Variants in NSD1 observed in about 807,000 individuals in gnomAD.
NSD1 encodes the protein histone-lysine N-methyltransferase, H3 lysine-36 specific.
NSD1 carries 26 observed loss-of-function variants against 242.7 expected under a neutral mutation model. The ratio of observed to expected loss-of-function variants is 0.11; its 90% CI spans 0.08 to 0.15. The LOEUF (loss-of-function observed/expected upper bound fraction) is 0.15, where lower values mean the gene tolerates loss of function less well. Ranked by LOEUF, NSD1 falls within the 10% of genes least tolerant of loss-of-function variation. NSD1 has a pLI of 1.00. For missense variants in NSD1, 2,495 were observed against 3,272.8 expected, an observed-to-expected ratio of 0.76 and a Z score of 5.80; for synonymous variants, 1,106 against 1,178.1, an observed-to-expected ratio of 0.94 and a Z score of 1.25.
chr5:177,269,756 G>A lies in NSD1; in HGVS notation c.5458G>A (p.Val1820Met), dbSNP rs752685166. 9.9e-6 allele frequency: 16 copies of A among 1,614,092 alleles called. No individual in the cohort carries two copies. Among genetic ancestry groups the A allele is most frequent in the African/African-American group, 1.3e-5 (1 of 75,010 alleles). ...ARVFPYMEGD[V>M]SSKDKMGKGV... ...AGTCTTCCCTTACATGGAGGGTGAC[G>A]TGAGCAGCAAGGATAAGATGGGCAA... The change falls in exon 16 of 23, where the codon GTG becomes ATG. Residue 1820 changes from valine (V) to methionine (M), a missense_variant. By Grantham distance (21) the Val-to-Met change is conservative. Transcript: ENST00000439151. The surrounding 1 kb of genome is among the most constrained non-coding windows in gnomAD (Gnocchi z 5.1).
At chr5:177,255,415 G>A (rs1242583444) in intron 12 of NSD1, among the ~76,000 whole-genome samples, 1 of 152,096 alleles carries the variant, frequency 6.6e-6, no homozygotes, top group African/African-American at 2.4e-5. Flanking sequence ...TGTTCTCAGT[G>A]TTTATAGATA....
intron 2 of NSD1, among the ~76,000 whole-genome samples, chr5:177,179,385 T>C (rs1259771891): frequency 6.6e-6 from 1 of 152,140 alleles, no homozygotes; most frequent in African/African-American, 2.4e-5. Context: ...CCAGCTGATT[T>C]TGTGTTTTTA....
intron 18 of NSD1, 47 bp downstream of exon 18, chr5:177,280,881 C>T (rs1313624669): frequency 2.5e-6 from 4 of 1,584,634 alleles, no homozygotes; most frequent in Non-Finnish European, 2.6e-6. Flanking sequence ...TTTGCAGTTG[C>T]TTGATATCAT....
At chr5:177,175,842 A>C (rs1012999401) in intron 2 of NSD1, among the ~76,000 whole-genome samples, 1 of 152,056 alleles carries the variant, frequency 6.6e-6, no homozygotes, top group East Asian at 1.9e-4. Flanking sequence ...ACAACAAAGC[A>C]TGTTTGTGAT....
intron 4 of NSD1, among the ~76,000 whole-genome samples, chr5:177,206,085 T>C (rs1302817974): frequency 6.6e-6 from 1 of 152,136 alleles, no homozygotes; most frequent in East Asian, 1.9e-4. Flanking sequence ...CTGCAACCTC[T>C]GCCTCCTGGG....
chr5:177,206,976 G>C (rs1421760725), intron 4 of NSD1, among the ~76,000 whole-genome samples: 1 of 149,720 alleles, frequency 6.7e-6, no homozygotes, highest in South Asian at 2.1e-4. Context: ...TCACTCTGTC[G>C]CCCCAGCTGG....
chr5:177,200,732 TC>T (rs1762449901), intron 3 of NSD1, among the ~76,000 whole-genome samples: 2 of 152,316 alleles, frequency 1.3e-5, no homozygotes, highest in South Asian at 4.1e-4. Context: ...TTTCTGAATT[TC>T]TTTCTCTCTC....
Position 177,184,770 on chromosome 5 carries a change from G to A in NSD1, c.928-7114G>A, listed in dbSNP as rs575916435. On this transcript the variant is annotated intron_variant, in intron 2 of 22. Transcript: ENST00000439151. ...AAGTTGATCTTGAAATCCTGGCCTC[G>A]AGCGATCACCCACCTTGGCCTCCCA... Among the ~76,000 whole-genome samples, 8 of 152,208 alleles carry A rather than the reference G, an allele frequency of 5.3e-5. No individual in the cohort carries two copies. In the East Asian group the frequency reaches 1.2e-3, roughly 22 times the overall value.
chr5:177,133,004 C>T (rs949199553), upstream of NSD1: 2 of 153,068 alleles, frequency 1.3e-5, no homozygotes, highest in African/African-American at 4.8e-5. This position sits in a 1 kb window ranked among gnomAD's most constrained non-coding sequence, Gnocchi z 6.2. Context: ...CAGACCCGAG[C>T]TGCTGCCTCC....
At chr5:177,234,009 G>A (rs969613371) in intron 5 of NSD1, among the ~76,000 whole-genome samples, 3 of 152,282 alleles carry the variant, frequency 2.0e-5, no homozygotes, top group Admixed American at 1.3e-4. Context: ...TCAGTGTCTG[G>A]AACACAGTGA....
chr5:177,231,775 TTTTTC>T (rs959874380), intron 5 of NSD1, among the ~76,000 whole-genome samples: 3 of 152,138 alleles, frequency 2.0e-5, no homozygotes, highest in South Asian at 2.1e-4. Flanking sequence ...ATCTTTCAAT[TTTTTC>T]TTTTCTTTTG....
At position 177,257,045 on chromosome 5, in the gene NSD1, C is replaced by T. The variant is rs1756523594; in HGVS notation, c.4860C>T (p.Val1620=). ...LCGKFYHEEC[V]QKYPPTVMQN... The stretch of plus-strand genomic sequence containing the variant: ...GAAAGTTTTACCATGAAGAGTGTGT[C>T]CAGAAGTACCCACCCACTGTTATGC... The change falls in exon 13 of 23, where the codon GTC becomes GTT. Residue 1620 remains valine (V), a synonymous_variant. Coordinates refer to ENST00000439151, the MANE Select transcript of NSD1 (RefSeq NM_022455.5). 4.3e-6 allele frequency: 7 copies of T among 1,613,752 alleles called. No homozygotes were observed. Among genetic ancestry groups the T allele is most frequent in the Non-Finnish European group, 5.9e-6 (7 of 1,179,766 alleles).
In NSD1 at chr5:177,295,446, C is replaced by T. The variant is rs1226437059; in HGVS notation, c.8078C>T (p.Ser2693Leu). Residue 2693 changes from serine to leucine, a missense_variant, in exon 23 of 23, where the codon TCA (serine) becomes TTA (leucine). Ser to Leu is a moderately radical substitution (Grantham distance 145, BLOSUM62 -2). This residue lies in a region of NSD1 where 475 missense variants were observed against 563.7 expected (regional missense o/e 0.84). Transcript: ENST00000439151. This position sits in a 1 kb window ranked among gnomAD's most constrained non-coding sequence, Gnocchi z 4.3. Reference sequence around the variant, plus strand: ...CCTTCCAGTCACAAGTGTGCAGAATCAGAACAGAAGTAGTACCAATCAATG... The same window carrying T: ...CCTTCCAGTCACAAGTGTGCAGAATTAGAACAGAAGTAGTACCAATCAATG... ...QAPSSHKCAE[S>L]EQK 6.2e-7 allele frequency: 1 copy of T among 1,614,014 alleles called. No homozygotes were observed. Among genetic ancestry groups the T allele is most frequent in the Admixed American group, 1.7e-5 (1 of 60,022 alleles).
intron 5 of NSD1, among the ~76,000 whole-genome samples, chr5:177,219,530 T>A (rs1353347858): frequency 1.3e-5 from 2 of 152,216 alleles, no homozygotes; most frequent in Non-Finnish European, 2.9e-5. Context: ...TCTTCTTTCT[T>A]CCATTGATTG....
chr5:177,155,149 C>T (rs968050048), intron 2 of NSD1, among the ~76,000 whole-genome samples: 1 of 152,028 alleles, frequency 6.6e-6, no homozygotes, highest in Non-Finnish European at 1.5e-5. Context: ...CCCCACCATG[C>T]TTGGCTAATT....
At chr5:177,167,540 A>T (rs1759313083) in intron 2 of NSD1, among the ~76,000 whole-genome samples, 2 of 152,156 alleles carry the variant, frequency 1.3e-5, no homozygotes, top group South Asian at 4.1e-4. Flanking sequence ...TATCTCAAAA[A>T]AAAAAAAATA....
chr5:177,291,847 T>C (rs1006591434), intron 21 of NSD1, 107 bp from the exon 22 acceptor site: 1 of 1,065,050 alleles, frequency 9.4e-7, no homozygotes, highest in Non-Finnish European at 1.4e-6. Flanking sequence ...TTCATGACAA[T>C]CTCTTTTCCC....
intron 2 of NSD1, among the ~76,000 whole-genome samples, chr5:177,185,431 C>A (rs1167617282): frequency 2.0e-5 from 3 of 151,444 alleles, no homozygotes; most frequent in Non-Finnish European, 4.4e-5. Context: ...AACCCTGTCT[C>A]TCCTAAAAAT....
Position 177,209,956 on chromosome 5 carries a change from A to G in NSD1, c.1557A>G (p.Glu519=). Residue 519 remains glutamate, a synonymous_variant, in exon 5 of 23, where the codon GAA becomes GAG. Transcript: ENST00000439151. ...TGAAAAAGGGCCACATACAATTTGA[A>G]GCACATAAAGATGAACGGAGGGGAA... ...TSVKKGHIQF[E]AHKDERRGKI... is the part of the protein sequence containing the mutation. 6.2e-7 allele frequency: 1 copy of G among 1,614,174 alleles called. No homozygotes were observed. The highest frequency in any genetic ancestry group is 1.6e-4 in the Middle Eastern group (1 of 6,062).
Sources: gnomAD v4.1 joint callset for allele counts (sites outside exome capture counted in the v4.1 genomes callset) on GRCh38, gnomAD v4.1.1 for gene constraint, gnomAD v4.1.1 regional missense constraint, Gnocchi (gnomAD v3.1) non-coding constraint, MANE v1.5 for transcripts, NCBI Gene and HGNC (gene_info 2026-07-23, HGNC 2026-07-21) for gene names.